The following PHF14 variants were observed in gnomAD, a reference collection of about 807,000 sequenced individuals.
PHF14 encodes the protein PHD finger protein 14.
In PHF14, 55 loss-of-function variants were observed where a neutral mutation model predicts 117.9. That is an observed-to-expected ratio of 0.47 (90% CI 0.38 to 0.58). The LOEUF is 0.58. PHF14 is among the 20% of genes least tolerant of loss of function. The probability of loss-of-function intolerance (pLI) is 0.00; values close to 1 mark genes in which losing one functional copy is unlikely to be tolerated. For missense variants in PHF14, 978 were observed against 1,122.2 expected, an observed-to-expected ratio of 0.87 and a Z score of 1.84; for synonymous variants, 409 against 368.6, an observed-to-expected ratio of 1.11 and a Z score of -1.26.
chr7:11,147,849 A>G lies in PHF14; in HGVS notation c.2773-21567A>G, dbSNP rs182608306. ...AACTCTTCTTCCAAGATCTAAATTC[A>G]TATATTCAAATGTTTGCCTGACATT... On this transcript the variant is annotated intron_variant, in intron 17 of 17. Transcript: ENST00000634607. Among the ~76,000 whole-genome samples the G allele has an allele frequency of 6.1e-4, 93 of 152,226 alleles. 1 individual carries two copies. The highest frequency in any genetic ancestry group is 1.1e-3 in the Admixed American group (17 of 15,278).
rs752090130 is a variant in PHF14 at position 11,022,982 on chromosome 7, G to A, written c.1317+3G>A. The A allele has an allele frequency of 6.6e-7, 1 of 1,516,702 alleles. No individual in the cohort carries two copies. The highest frequency in any genetic ancestry group is 1.4e-5 in the African/African-American group (1 of 72,854). The allele number at this position is 1,516,702 out of a possible 1,614,324, so 94.0% of individuals were successfully genotyped here. A position where few individuals can be genotyped will look rare whatever the true frequency, so the allele number is the denominator to read the frequency against. On this transcript the variant is annotated splice_donor_region_variant and intron_variant, in intron 6 of 17. Transcript: ENST00000634607. ...ACTATTCCAAATATGGTGCCAAGGT[G>A]AGACACAAAGCATTTTTGATTGCTT...
At chr7:11,134,463 AG>A in intron 17 of PHF14, among the ~76,000 whole-genome samples, 1 of 152,136 alleles carries the variant, frequency 6.6e-6, no homozygotes. Flanking sequence ...TTTTATTTTT[AG>A]ATTTAAAAAG....
intron 7 of PHF14, among the ~76,000 whole-genome samples, chr7:11,035,113 A>T (rs1029050453): frequency 3.3e-5 from 5 of 152,042 alleles, no homozygotes; most frequent in African/African-American, 9.7e-5. Context: ...AATGTTTGAA[A>T]AAAAAAAAGC....
At chr7:11,082,878 C>A (rs1289792190) in intron 16 of PHF14, among the ~76,000 whole-genome samples, 1 of 151,722 alleles carries the variant, frequency 6.6e-6, no homozygotes, top group African/African-American at 2.4e-5. Context: ...TCCACAGTAC[C>A]CCTCCCCTTC....
intron 4 of PHF14, among the ~76,000 whole-genome samples, chr7:10,993,112 G>T (rs771873201): frequency 6.6e-6 from 1 of 152,018 alleles, no homozygotes; most frequent in Non-Finnish European, 1.5e-5. Flanking sequence ...CATTTTTATT[G>T]CATAAGCCTA....
rs946119908 is a variant in PHF14 at position 11,111,466 on chromosome 7, A to G, written c.2771A>G (p.Lys924Arg). 8.9e-6 allele frequency: 13 copies of G among 1,453,184 alleles called. No homozygotes were observed. The highest frequency in any genetic ancestry group is 1.3e-5 in the Non-Finnish European group (13 of 1,039,450). 90.0% of individuals were successfully genotyped at this position (1,453,184 alleles called of 1,614,324 possible). A position where few individuals can be genotyped will look rare whatever the true frequency, so the allele number is the denominator to read the frequency against. The part of the protein sequence containing the change: ...ICQECDSSSS[K>R]EDENEAERKN... Reference sequence around the variant, plus strand: ...CAGGAATGTGATTCTTCATCTTCCAAGGTAAGGGGAGAAGTCTATAAGAAA... The same window carrying G: ...CAGGAATGTGATTCTTCATCTTCCAGGGTAAGGGGAGAAGTCTATAAGAAA... The change falls in exon 17 of 18, where the codon AAG (lysine) becomes AGG (arginine). Residue 924 changes from lysine (K) to arginine (R), a missense_variant and splice_region_variant. Around this residue, in one of 7 missense-constraint regions of PHF14, gnomAD observed 180 missense variants for 195.4 expected, o/e 0.92. Transcript: ENST00000634607.
intron 17 of PHF14, among the ~76,000 whole-genome samples, chr7:11,147,715 A>G (rs1023418732): frequency 5.3e-5 from 8 of 152,150 alleles, no homozygotes; most frequent in African/African-American, 1.9e-4. Flanking sequence ...CTCAAGTTGT[A>G]TTAGTAACGC....
intron 4 of PHF14, among the ~76,000 whole-genome samples, chr7:11,013,387 C>T (rs6975914): frequency 0.074 from 11,303 of 152,140 alleles, 458 homozygotes; most frequent in African/African-American, 0.1. Flanking sequence ...GTCTCGAACT[C>T]CTCACCTCAG....
chr7:11,166,113 T>C (rs1789195656), intron 17 of PHF14, among the ~76,000 whole-genome samples: 1 of 152,198 alleles, frequency 6.6e-6, no homozygotes, highest in Non-Finnish European at 1.5e-5. Context: ...TTATAGTCAG[T>C]GTATTTTTTT....
At chr7:11,021,109 A>G (rs751231303) in intron 5 of PHF14, among the ~76,000 whole-genome samples, 17 of 152,228 alleles carry the variant, frequency 1.1e-4, no homozygotes, top group Admixed American at 3.9e-4. Context: ...TTTGAGAAGT[A>G]TCACTCTACT....
intron 7 of PHF14, 80 bp downstream of exon 7, chr7:11,028,898 A>G: frequency 8.6e-7 from 1 of 1,167,584 alleles, no homozygotes; most frequent in Non-Finnish European, 1.2e-6. Flanking sequence ...AAGTGTAAAT[A>G]ATAAAAGAAA....
intron 3 of PHF14, among the ~76,000 whole-genome samples, chr7:10,987,682 T>C (rs1373311625): frequency 1.3e-5 from 2 of 152,164 alleles, no homozygotes; most frequent in Non-Finnish European, 2.9e-5. Flanking sequence ...CTGATGTCTA[T>C]TTTTATGTAA....
In PHF14 at chr7:11,006,833, G is replaced by A. The variant is rs1326416209; in HGVS notation, c.1046-6914G>A. 6 of 695,548 alleles carry A rather than the reference G, an allele frequency of 8.6e-6. No individual in the cohort carries two copies. In the African/African-American group the frequency reaches 1.1e-4, roughly 12 times the overall value. 43.1% of individuals were successfully genotyped at this position (695,548 alleles called of 1,614,324 possible). A position where few individuals can be genotyped will look rare whatever the true frequency, so the allele number is the denominator to read the frequency against. On this transcript the variant is annotated intron_variant, in intron 4 of 17. Transcript: ENST00000634607. ...AGCCTTCGGTTTGGCTTCAGCTTTA[G>A]GAGGGACAGGAGCTTCCTTCACTTT...
chr7:10,982,096 C>G (rs939343725), intron 2 of PHF14, among the ~76,000 whole-genome samples: 1 of 152,156 alleles, frequency 6.6e-6, no homozygotes. Flanking sequence ...TGCCATATGA[C>G]ACAAATTAGT....
intron 4 of PHF14, among the ~76,000 whole-genome samples, chr7:11,005,369 C>G (rs1783044029): frequency 6.6e-6 from 1 of 152,100 alleles, no homozygotes; most frequent in Admixed American, 6.5e-5. Flanking sequence ...ACTGTGAGCT[C>G]ATATGTTATA....
intron 16 of PHF14, chr7:11,104,468 A>T (rs1787191237): frequency 1.0e-6 from 1 of 978,688 alleles, no homozygotes. Flanking sequence ...TAAGGAGAAA[A>T]TTGATGTGTG....
At chr7:11,042,636 C>T in intron 12 of PHF14, 47 bp from the exon 13 acceptor site, 1 of 1,347,094 alleles carries the variant, frequency 7.4e-7, no homozygotes, top group Non-Finnish European at 1.0e-6. Flanking sequence ...AACTGTTTCA[C>T]TATGATAATT....
intron 4 of PHF14, among the ~76,000 whole-genome samples, chr7:11,009,905 G>T (rs1246250617): frequency 1.3e-5 from 2 of 152,178 alleles, no homozygotes; most frequent in South Asian, 4.1e-4. Context: ...ACTGTAGGAG[G>T]TTTAAAACTC....
intron 3 of PHF14, among the ~76,000 whole-genome samples, chr7:10,984,972 A>T (rs1409181042): frequency 1.3e-5 from 2 of 152,180 alleles, no homozygotes; most frequent in Non-Finnish European, 2.9e-5. Flanking sequence ...ATAAAAAGGT[A>T]CTTTTTCTCC....
Sources: allele counts gnomAD v4.1 joint callset (sites outside exome capture counted in the v4.1 genomes callset), GRCh38; gene constraint gnomAD v4.1.1; regional missense constraint gnomAD v4.1.1; transcripts MANE v1.5; gene names NCBI Gene and HGNC (gene_info 2026-07-23, HGNC 2026-07-21).